Variants in CAND2 observed in about 807,000 individuals in gnomAD.
CAND2 encodes the protein cullin-associated NEDD8-dissociated protein 2.
In CAND2, 62 loss-of-function variants were observed where a neutral mutation model predicts 98.9. The observed-to-expected ratio is 0.63, with a 90% CI of 0.51 to 0.77. The LOEUF (loss-of-function observed/expected upper bound fraction) is 0.77, where lower values mean the gene tolerates loss of function less well. CAND2 is among the 30% of genes least tolerant of loss of function. The probability of loss-of-function intolerance (pLI) is 0.00; values close to 1 mark genes in which losing one functional copy is unlikely to be tolerated. For synonymous variants in CAND2, 770 were observed against 731.9 expected (o/e 1.05, Z -0.84); for missense variants, 1,501 against 1,655.2 (o/e 0.91, Z 1.62).
intron 14 of CAND2, chr3:12,832,299 A>C (rs532875088): frequency 2.0e-5 from 3 of 152,210 alleles, no homozygotes; most frequent in Non-Finnish European, 4.4e-5. Flanking sequence ...ACATATGCTT[A>C]TTATTGAGTC....
At position 12,817,718 on chromosome 3, in the gene CAND2, G is replaced by T. The variant is rs1453269921; in HGVS notation, c.2786G>T (p.Ser929Ile). 2 of 1,593,906 alleles carry T rather than the reference G, an allele frequency of 1.3e-6. No homozygotes were observed. Among genetic ancestry groups the T allele is most frequent in the East Asian group, 2.2e-5 (1 of 44,712 alleles). The change falls in exon 10 of 15, where the codon AGC (serine) becomes ATC (isoleucine). Residue 929 changes from serine to isoleucine, a missense_variant. By Grantham distance (142) the Ser-to-Ile change is moderately radical. Transcript: ENST00000456430. ...GCCCTGGGGGCCGCCCAGCCTGACA[G>T]CCTGAAGCCCTACGCCGAGGACATC... is the stretch of plus-strand genomic sequence containing the variant. ...REALGAAQPD[S>I]LKPYAEDIWA... is the part of the protein sequence containing the mutation.
intron 1 of CAND2, among the ~76,000 whole-genome samples, chr3:12,798,586 T>G (rs930414459): frequency 4.0e-5 from 6 of 151,896 alleles, no homozygotes; most frequent in Non-Finnish European, 8.8e-5. Context: ...CTTGGAGGAG[T>G]GCAGTGACTT....
chr3:12,809,797 CTTT>C, intron 4 of CAND2: 1 of 422,652 alleles, frequency 2.4e-6, no homozygotes, highest in East Asian at 3.9e-5. Flanking sequence ...ATCCTCTATG[CTTT>C]CCCCTATCAG....
chr3:12,816,954 A>C lies in CAND2; in HGVS notation c.2022A>C (p.Ala674=), dbSNP rs2124855201. ...GGGCTTTGCGACTGGCCACACTGGC[A>C]GCCCTGGACGCCCTGGCCCAGAGCC... The part of the protein sequence containing the change: ...NQRALRLATL[A]ALDALAQSQG... The change falls in exon 10 of 15, where the codon GCA becomes GCC. Residue 674 remains alanine, a synonymous_variant. Transcript: ENST00000456430. 6.2e-7 allele frequency: 1 copy of C among 1,613,306 alleles called. No homozygotes were observed. Among genetic ancestry groups the C allele is most frequent in the South Asian group, 1.1e-5 (1 of 91,076 alleles).
rs550600629 is a variant in CAND2 at position 12,802,876 on chromosome 3, T to C, written c.69-612T>C. Among the ~76,000 whole-genome samples, 13 of 152,154 alleles carry C rather than the reference T, an allele frequency of 8.5e-5. 1 individual carries two copies. The East Asian group carries it at 1.9e-3, about 23-fold the overall frequency. On this transcript the variant is annotated intron_variant, in intron 1 of 14. Transcript: ENST00000456430. ...GGCTACAAACCTGTATTGAGTACTG[T>C]AGGCAGTTGTAACAGAGTGGTATTT...
intron 7 of CAND2, among the ~76,000 whole-genome samples, chr3:12,813,814 T>C (rs1326856338): frequency 6.6e-6 from 1 of 152,158 alleles, no homozygotes; most frequent in East Asian, 1.9e-4. Flanking sequence ...AGAGGAAAGC[T>C]CTGATGGTGG....
At chr3:12,809,637 C>T (rs2061833929) in intron 4 of CAND2, among the ~76,000 whole-genome samples, 1 of 152,088 alleles carries the variant, frequency 6.6e-6, no homozygotes, top group African/African-American at 2.4e-5. Flanking sequence ...TCTCCAAAGG[C>T]ACTAGGGAGC....
Position 12,828,697 on chromosome 3 carries a change from C to T in CAND2, c.3375+1093C>T, listed in dbSNP as rs372022251. Among the ~76,000 whole-genome samples the T allele has an allele frequency of 1.1e-4, 16 of 152,270 alleles. 1 individual carries two copies. Among genetic ancestry groups the T allele is most frequent in the Admixed American group, 6.5e-4 (10 of 15,276 alleles). On this transcript the variant is annotated intron_variant, in intron 13 of 14. Transcript: ENST00000456430. ...AGTGGCAGTAAGCACATTCACATTG[C>T]GGTGCAGCCGTCACCACTGTCCATC...
At chr3:12,828,314 A>G (rs1016236865) in intron 13 of CAND2, among the ~76,000 whole-genome samples, 3 of 150,016 alleles carry the variant, frequency 2.0e-5, no homozygotes, top group African/African-American at 7.4e-5. Context: ...ATCTTCAGTA[A>G]CTTACTATCT....
chr3:12,818,942 T>C (rs2061932273), intron 10 of CAND2, among the ~76,000 whole-genome samples: 1 of 152,210 alleles, frequency 6.6e-6, no homozygotes, highest in Non-Finnish European at 1.5e-5. Flanking sequence ...CCTATTTGTT[T>C]CTATCTCACG....
intron 2 of CAND2, among the ~76,000 whole-genome samples, chr3:12,805,098 T>C (rs983226868): frequency 6.6e-6 from 1 of 152,124 alleles, no homozygotes; most frequent in African/African-American, 2.4e-5. Flanking sequence ...AGAAGGAATG[T>C]AGTTTATAGT....
In CAND2 at chr3:12,825,569, G is replaced by T; in HGVS notation, c.3140G>T (p.Arg1047Leu). 2 of 1,611,140 alleles carry T rather than the reference G, an allele frequency of 1.2e-6. No homozygotes were observed. Among genetic ancestry groups the T allele is most frequent in the Non-Finnish European group, 1.7e-6 (2 of 1,178,890 alleles). ...SAVHNKPSLV[R>L]DLLDDILPLL... Reference sequence around the variant, plus strand: ...GTGCACAACAAGCCCTCGCTAGTCCGGGACCTGCTGGATGACATCCTGCCC... The same window carrying T: ...GTGCACAACAAGCCCTCGCTAGTCCTGGACCTGCTGGATGACATCCTGCCC... The change falls in exon 12 of 15, where the codon CGG becomes CTG. Residue 1047 changes from arginine (R) to leucine (L), a missense_variant. This residue lies in a region of CAND2 where 1,427 missense variants were observed against 1,545.3 expected (regional missense o/e 0.92). Transcript: ENST00000456430.
Position 12,833,686 on chromosome 3 carries a change from C to T in CAND2, c.3484-69C>T, listed in dbSNP as rs1029032270. 7.2e-6 allele frequency: 9 copies of T among 1,249,356 alleles called. No homozygotes were observed. The Admixed American group carries it at 1.6e-4, about 22-fold the overall frequency. 77.4% of individuals were successfully genotyped at this position (1,249,356 alleles called of 1,614,324 possible). A position where few individuals can be genotyped will look rare whatever the true frequency, so the allele number is the denominator to read the frequency against. On this transcript the variant is annotated intron_variant, in intron 14 of 14. Transcript: ENST00000456430. ...GATGGGGCAGAGAGGAAGCCAAAGA[C>T]CAGTGAGGAGGCAGTGGTGTGGGCC... is the stretch of plus-strand genomic sequence containing the variant.
At chr3:12,827,313 T>G in intron 12 of CAND2, 127 bp from the exon 13 acceptor site, 1 of 808,096 alleles carries the variant, frequency 1.2e-6, no homozygotes, top group Non-Finnish European at 2.0e-6. Context: ...CATGGAGACT[T>G]GAGAGTATAA....
chr3:12,802,097 G>A (rs2061770676), intron 1 of CAND2, among the ~76,000 whole-genome samples: 2 of 152,348 alleles, frequency 1.3e-5, no homozygotes, highest in South Asian at 2.1e-4. Context: ...GGAGGCCGAG[G>A]TGGGCGGATC....
rs1277301187 is a variant in CAND2 at position 12,810,264 on chromosome 3, G to A, written c.697G>A (p.Ala233Thr). The stretch of plus-strand genomic sequence containing the variant: ...CCCGCGGGTGCCCACCAGCCCGACT[G>A]CCATCCGCACCCTGATCCAATGTTT... ...PGPRVPTSPT[A>T]IRTLIQCLGS... Residue 233 changes from alanine to threonine, a missense_variant, in exon 5 of 15, where the codon GCC (alanine) becomes ACC (threonine). By Grantham distance (58) the Ala-to-Thr change is moderately conservative. Around this residue, in one of 3 missense-constraint regions of CAND2, gnomAD observed 1,427 missense variants for 1,545.3 expected, o/e 0.92. Transcript: ENST00000456430. The A allele has an allele frequency of 6.6e-7, 1 of 1,514,484 alleles. No homozygotes were observed. Among genetic ancestry groups the A allele is most frequent in the Admixed American group, 2.1e-5 (1 of 47,992 alleles). The allele number at this position is 1,514,484 out of a possible 1,614,324, so 93.8% of individuals were successfully genotyped here.
Position 12,816,847 on chromosome 3 carries a change from G to T in CAND2, c.1915G>T (p.Val639Leu), listed in dbSNP as rs199996088. 1.1e-5 allele frequency: 17 copies of T among 1,613,656 alleles called. No homozygotes were observed. The highest frequency in any genetic ancestry group is 1.0e-5 in the Non-Finnish European group (12 of 1,180,036). Residue 639 changes from valine to leucine, a missense_variant, in exon 10 of 15, where the codon GTA (valine) becomes TTA (leucine). By Grantham distance (32) the Val-to-Leu change is conservative (BLOSUM62 1). Coordinates refer to ENST00000456430, the MANE Select transcript of CAND2 (RefSeq NM_001162499.2). Reference protein sequence around the residue: ...PAIKALTLVAVSPLQLDLQPI... With the variant: ...PAIKALTLVALSPLQLDLQPI... ...CATCAAGGCGCTTACGCTGGTGGCC[G>T]TATCCCCACTACAGCTTGACCTACA...
chr3:12,810,295 G>A lies in CAND2; in HGVS notation c.728G>A (p.Ser243Asn). 1 of 1,468,644 alleles carries A rather than the reference G, an allele frequency of 6.8e-7. No individual in the cohort carries two copies. Among genetic ancestry groups the A allele is most frequent in the South Asian group, 1.3e-5 (1 of 74,512 alleles). The allele number at this position is 1,468,644 out of a possible 1,614,324, so 91.0% of individuals were successfully genotyped here. A position where few individuals can be genotyped will look rare whatever the true frequency, so the allele number is the denominator to read the frequency against. The change falls in exon 5 of 15, where the codon AGC (serine) becomes AAC (asparagine). Residue 243 changes from serine (S) to asparagine (N), a missense_variant. By Grantham distance (46) the Ser-to-Asn change is conservative. This residue lies in a region of CAND2 where 1,427 missense variants were observed against 1,545.3 expected (regional missense o/e 0.92). Coordinates refer to ENST00000456430, the MANE Select transcript of CAND2 (RefSeq NM_001162499.2). ...AIRTLIQCLGSVGRQAGHRLG... is the reference protein window; with the variant it reads ...AIRTLIQCLGNVGRQAGHRLG... ...CGCACCCTGATCCAATGTTTGGGCA[G>A]CGTCGGCCGCCAGGCCGGCCACCGC...
At chr3:12,823,389 C>T (rs1359554988) in intron 11 of CAND2, among the ~76,000 whole-genome samples, 1 of 151,110 alleles carries the variant, frequency 6.6e-6, no homozygotes, top group Non-Finnish European at 1.5e-5. Context: ...TCAGGAGTTC[C>T]AGACCAGCCT....
Sources: allele counts gnomAD v4.1 joint callset (sites outside exome capture counted in the v4.1 genomes callset), GRCh38; gene constraint gnomAD v4.1.1; regional missense constraint gnomAD v4.1.1; transcripts MANE v1.5; gene names NCBI Gene and HGNC (gene_info 2026-07-23, HGNC 2026-07-21).